PDCD1LG2: variants seen among roughly 807,000 people sequenced by gnomAD.
The protein encoded by PDCD1LG2 is B7 dendritic cell molecule.
PDCD1LG2 carries 32 observed loss-of-function variants against 28.2 expected under a neutral mutation model. The observed-to-expected ratio is 1.13, with a 90% CI of 0.86 to 1.52. The LOEUF is 1.52. PDCD1LG2 is among the 40% of genes most tolerant of loss of function. PDCD1LG2 has a pLI of 0.00. For missense variants in PDCD1LG2, 385 were observed against 323.8 expected (o/e 1.19, Z -1.45); for synonymous variants, 116 against 120.2 (o/e 0.97, Z 0.23).
intron 1 of PDCD1LG2, among the ~76,000 whole-genome samples, chr9:5,518,985 T>G (rs1166058714): frequency 2.6e-5 from 4 of 152,144 alleles, no homozygotes; most frequent in Non-Finnish European, 5.9e-5. Flanking sequence ...AGGAAATGAC[T>G]GTCGTTGAAA....
chr9:5,546,773 G>T (rs1816215413), intron 3 of PDCD1LG2, among the ~76,000 whole-genome samples: 2 of 152,160 alleles, frequency 1.3e-5, no homozygotes. Context: ...TCATTTAAAT[G>T]ACATAATGTA....
chr9:5,568,498 C>G (rs922675248), intron 6 of PDCD1LG2, among the ~76,000 whole-genome samples: 4 of 152,182 alleles, frequency 2.6e-5, no homozygotes, highest in African/African-American at 7.2e-5. Flanking sequence ...AGCCTACCCC[C>G]ACTCCCACAC....
chr9:5,535,859 CTT>C (rs1412732613), intron 3 of PDCD1LG2, among the ~76,000 whole-genome samples: 1 of 152,170 alleles, frequency 6.6e-6, no homozygotes, highest in Non-Finnish European at 1.5e-5. Flanking sequence ...TCTTCACACT[CTT>C]GTTTGTTCTA....
At chr9:5,533,510 C>G (rs1193338356) in intron 2 of PDCD1LG2, among the ~76,000 whole-genome samples, 1 of 152,216 alleles carries the variant, frequency 6.6e-6, no homozygotes, top group East Asian at 1.9e-4. Context: ...TGTTATCTAC[C>G]CGGAAGCTTC....
intron 3 of PDCD1LG2, among the ~76,000 whole-genome samples, chr9:5,537,645 C>T (rs562279746): frequency 3.9e-5 from 6 of 152,202 alleles, no homozygotes; most frequent in South Asian, 2.1e-4. Context: ...AACCAAACAC[C>T]GCATGTTCTC....
intron 4 of PDCD1LG2, 126 bp downstream of exon 4, chr9:5,549,730 A>T: frequency 8.4e-7 from 1 of 1,194,508 alleles, no homozygotes. Context: ...CACCATTTGG[A>T]GAAACTACAA....
rs141840299 is a variant in PDCD1LG2, at chr9:5,538,011, C to G, written c.361+2961C>G. Among the ~76,000 whole-genome samples the G allele has an allele frequency of 2.6e-4, 39 of 152,240 alleles. 3 individuals carry two copies. In the East Asian group the frequency reaches 2.7e-3, roughly 11 times the overall value. Reference sequence around the variant, plus strand: ...CATATAACGATAATCAATACAAAATCTGTCAAACAAAAATATGTTACATTA... The same window carrying G: ...CATATAACGATAATCAATACAAAATGTGTCAAACAAAAATATGTTACATTA... On this transcript the variant is annotated intron_variant, in intron 3 of 6. Coordinates refer to ENST00000397747, the MANE Select transcript of PDCD1LG2 (RefSeq NM_025239.4).
At chr9:5,550,256 T>C (rs932920501) in intron 4 of PDCD1LG2, among the ~76,000 whole-genome samples, 4 of 152,208 alleles carry the variant, frequency 2.6e-5, no homozygotes, top group Non-Finnish European at 4.4e-5. Flanking sequence ...ATGCTGGATA[T>C]TTTTGGAAGG....
At chr9:5,537,123 G>A (rs1237266858) in intron 3 of PDCD1LG2, among the ~76,000 whole-genome samples, 1 of 152,208 alleles carries the variant, frequency 6.6e-6, no homozygotes, top group Admixed American at 6.5e-5. Flanking sequence ...GTTAATAACT[G>A]ATAATCAAAA....
intron 5 of PDCD1LG2, among the ~76,000 whole-genome samples, chr9:5,561,584 G>A (rs1389327749): frequency 6.6e-6 from 1 of 152,196 alleles, no homozygotes; most frequent in Non-Finnish European, 1.5e-5. Context: ...CAAAATAATT[G>A]AGTGACTTAT....
At chr9:5,535,072 A>C (rs371300094) in intron 3 of PDCD1LG2, 22 bp downstream of exon 3, 3 of 1,564,712 alleles carry the variant, frequency 1.9e-6, no homozygotes, top group East Asian at 2.3e-5. Context: ...CAAGGACTAG[A>C]ATCCATGGAA....
At position 5,547,659 on chromosome 9, in the gene PDCD1LG2, G is replaced by A. The variant is rs558998783; in HGVS notation, c.362-1676G>A. ...GATTATAGAAAGAGTCAATCAAGCC[G>A]GGCACAGTGGCTCATGCCTGTAATC... is the stretch of plus-strand genomic sequence containing the variant. On this transcript the variant is annotated intron_variant, in intron 3 of 6. Transcript: ENST00000397747. Among the ~76,000 whole-genome samples the A allele has an allele frequency of 1.1e-4, 17 of 152,144 alleles. No individual in the cohort carries two copies. The South Asian group carries it at 2.3e-3, about 20-fold the overall frequency.
intron 3 of PDCD1LG2, among the ~76,000 whole-genome samples, chr9:5,543,332 G>C (rs1008157768): frequency 6.6e-6 from 1 of 152,044 alleles, no homozygotes; most frequent in Non-Finnish European, 1.5e-5. Flanking sequence ...GAGGTCAGGA[G>C]ATCAAGATCA....
intron 2 of PDCD1LG2, among the ~76,000 whole-genome samples, chr9:5,525,536 A>C (rs1220293473): frequency 6.6e-6 from 1 of 151,580 alleles, no homozygotes; most frequent in Non-Finnish European, 1.5e-5. Flanking sequence ...TAGCATGTGA[A>C]TAAATTAATT....
chr9:5,539,986 A>G (rs944776063), intron 3 of PDCD1LG2, among the ~76,000 whole-genome samples: 2 of 152,246 alleles, frequency 1.3e-5, no homozygotes, highest in East Asian at 1.9e-4. Flanking sequence ...TAGACTATAT[A>G]GTAGGCCACA....
rs771279235 is a variant in PDCD1LG2 at position 5,534,994 on chromosome 9, G to A, written c.305G>A (p.Cys102Tyr). The stretch of plus-strand genomic sequence containing the variant: ...GTGAGGGACGAAGGACAGTACCAAT[G>A]CATAATCATCTATGGGGTCGCCTGG... The part of the protein sequence containing the change: ...VQVRDEGQYQ[C>Y]IIIYGVAWDY... The change falls in exon 3 of 7, where the codon TGC becomes TAC. Residue 102 changes from cysteine to tyrosine, a missense_variant. Coordinates refer to ENST00000397747, the MANE Select transcript of PDCD1LG2 (RefSeq NM_025239.4). 1.6e-5 allele frequency: 26 copies of A among 1,614,128 alleles called. No homozygotes were observed. The highest frequency in any genetic ancestry group is 2.0e-5 in the Non-Finnish European group (24 of 1,180,008).
chr9:5,564,412 C>T (rs72689432), intron 6 of PDCD1LG2, among the ~76,000 whole-genome samples: 17 of 152,136 alleles, frequency 1.1e-4, no homozygotes, highest in Non-Finnish European at 2.5e-4. Flanking sequence ...AGTGGGGGCA[C>T]CCTGTAGCCA....
In PDCD1LG2 at chr9:5,549,484, G is replaced by T; in HGVS notation, c.511G>T (p.Glu171Ter). The T allele has an allele frequency of 6.2e-7, 1 of 1,614,162 alleles. No homozygotes were observed. The highest frequency in any genetic ancestry group is 8.5e-7 in the Non-Finnish European group (1 of 1,180,026). ...PANTSHSRTP[E>*]GLYQVTSVLR... ...CAACACCAGCCACTCCAGGACCCCT[G>T]AAGGCCTCTACCAGGTCACCAGTGT... The change falls in exon 4 of 7, where the codon GAA (glutamate) becomes TAA (stop). Residue 171 changes from glutamate to a stop codon, truncating the protein, a stop_gained. Coordinates refer to ENST00000397747, the MANE Select transcript of PDCD1LG2 (RefSeq NM_025239.4). LOFTEE classifies it high-confidence loss of function.
At chr9:5,526,782 A>G (rs1169976974) in intron 2 of PDCD1LG2, among the ~76,000 whole-genome samples, 1 of 152,210 alleles carries the variant, frequency 6.6e-6, no homozygotes, top group Non-Finnish European at 1.5e-5. Flanking sequence ...GAGGACTAAA[A>G]GAAGTTTTAG....
Sources: allele counts gnomAD v4.1 joint callset (sites outside exome capture counted in the v4.1 genomes callset), GRCh38; gene constraint gnomAD v4.1.1; transcripts MANE v1.5; gene names NCBI Gene and HGNC (gene_info 2026-07-23, HGNC 2026-07-21).